The following RGS17 variants were observed in gnomAD, a reference collection of about 807,000 sequenced individuals.
RGS17 encodes regulator of G-protein signaling 17.
RGS17 carries 12 observed loss-of-function variants against 25.5 expected under a neutral mutation model. That is an observed-to-expected ratio of 0.47 (90% CI 0.30 to 0.76). The LOEUF (loss-of-function observed/expected upper bound fraction) is 0.76, where lower values mean the gene tolerates loss of function less well. RGS17 is among the 30% of genes least tolerant of loss of function. RGS17 has a pLI of 0.07. For missense variants in RGS17, 196 were observed against 242.2 expected, an observed-to-expected ratio of 0.81 and a Z score of 1.27; for synonymous variants, 71 against 76.9, an observed-to-expected ratio of 0.92 and a Z score of 0.40.
intron 1 of RGS17, among the ~76,000 whole-genome samples, chr6:153,069,544 T>G (rs553217215): frequency 6.6e-6 from 1 of 152,238 alleles, no homozygotes; most frequent in South Asian, 2.1e-4. Context: ...GACCTACCAT[T>G]TGATAGCACA....
intron 1 of RGS17, among the ~76,000 whole-genome samples, chr6:153,066,598 A>G (rs1776711045): frequency 6.6e-6 from 1 of 152,216 alleles, no homozygotes; most frequent in Non-Finnish European, 1.5e-5. Flanking sequence ...AGTCCTCAAC[A>G]AAATACTAGC....
rs1445396477 is a variant in RGS17 at position 153,130,400 on chromosome 6, C to T, written c.-26+724G>A. 2.6e-5 allele frequency among the ~76,000 whole-genome samples: 4 copies of T among 152,058 alleles called. No individual in the cohort carries two copies. The East Asian group carries it at 7.8e-4, about 30-fold the overall frequency. On this transcript the variant is annotated intron_variant, in intron 1 of 4. Transcript: ENST00000206262. This position sits in a 1 kb window ranked among gnomAD's most constrained non-coding sequence, Gnocchi z 6.4. ...TGGCTGTGGAATCCACCCCGCGCCG[C>T]ACACGCCAGGACTCCCTTTCCTTTG...
intron 1 of RGS17, among the ~76,000 whole-genome samples, chr6:153,063,702 G>C (rs1776668449): frequency 6.6e-6 from 1 of 152,152 alleles, no homozygotes; most frequent in Admixed American, 6.5e-5. Flanking sequence ...CCCAAACCTA[G>C]AGAAAGATAT....
intron 2 of RGS17, among the ~76,000 whole-genome samples, chr6:153,026,886 A>ATGATTACC (rs1779308754): frequency 1.3e-5 from 2 of 152,134 alleles, no homozygotes; most frequent in African/African-American, 4.8e-5. Flanking sequence ...ACACACACAT[A>ATGATTACC]TGATTACCTT....
intron 1 of RGS17, among the ~76,000 whole-genome samples, chr6:153,064,358 C>T (rs1032092875): frequency 3.9e-5 from 6 of 152,096 alleles, no homozygotes; most frequent in Admixed American, 1.3e-4. Context: ...GGGCAAGGCA[C>T]GGTGGCTCAT....
chr6:153,115,590 G>A (rs1777532467), intron 1 of RGS17, among the ~76,000 whole-genome samples: 1 of 151,930 alleles, frequency 6.6e-6, no homozygotes, highest in Non-Finnish European at 1.5e-5. Context: ...ATTTCATATG[G>A]AACCAAAAAA....
At chr6:153,017,913 T>G (rs1451476390) in intron 4 of RGS17, among the ~76,000 whole-genome samples, 2 of 152,234 alleles carry the variant, frequency 1.3e-5, no homozygotes, top group East Asian at 3.8e-4. Context: ...TGAACTAAAT[T>G]TGGTATTCCT....
At chr6:153,017,688 CTTT>C (rs1030496011) in intron 4 of RGS17, among the ~76,000 whole-genome samples, 31 of 152,090 alleles carry the variant, frequency 2.0e-4, no homozygotes, top group Admixed American at 2.0e-3. Flanking sequence ...GAGAACCTTT[CTTT>C]ATGTTATTTA....
At chr6:153,039,063 G>A (rs568733620) in intron 2 of RGS17, among the ~76,000 whole-genome samples, 2 of 152,260 alleles carry the variant, frequency 1.3e-5, no homozygotes, top group South Asian at 2.1e-4. Context: ...GCCAAATCTC[G>A]TGGGCAATAC....
intron 1 of RGS17, among the ~76,000 whole-genome samples, chr6:153,103,568 A>G (rs1368782755): frequency 6.6e-6 from 1 of 152,180 alleles, no homozygotes; most frequent in African/African-American, 2.4e-5. Context: ...TCCATGATCA[A>G]ACCAAAGGCA....
At chr6:153,017,862 G>GAATT (rs1416260370) in intron 4 of RGS17, among the ~76,000 whole-genome samples, 15 of 151,938 alleles carry the variant, frequency 9.9e-5, no homozygotes, top group African/African-American at 3.4e-4. Context: ...TTTACCAATG[G>GAATT]TAACATCTGC....
intron 1 of RGS17, among the ~76,000 whole-genome samples, chr6:153,099,695 G>C (rs992110256): frequency 2.0e-5 from 3 of 152,250 alleles, no homozygotes; most frequent in Admixed American, 1.3e-4. Context: ...TTTGTTTCTG[G>C]TTGCACCATT....
At chr6:153,074,620 A>G (rs1776850733) in intron 1 of RGS17, among the ~76,000 whole-genome samples, 1 of 152,222 alleles carries the variant, frequency 6.6e-6, no homozygotes, top group South Asian at 2.1e-4. Flanking sequence ...TTGATGGGGG[A>G]AAAGGCTGCC....
At chr6:153,066,433 C>T (rs1054842112) in intron 1 of RGS17, among the ~76,000 whole-genome samples, 1 of 152,108 alleles carries the variant, frequency 6.6e-6, no homozygotes, top group East Asian at 1.9e-4. Flanking sequence ...TAAAGAAGAA[C>T]CAATAACAAT....
Position 153,024,277 on chromosome 6 carries a change from T to C in RGS17, c.429A>G (p.Ile143Met). 6.2e-7 allele frequency: 1 copy of C among 1,608,100 alleles called. No homozygotes were observed. The highest frequency in any genetic ancestry group is 1.3e-5 in the African/African-American group (1 of 74,980). ...ARMIYEDYIS[I>M]LSPKEVSLDS... ...AGATTTTTACCTCTTTTGGTGATAG[T>C]ATAGAAATGTAATCTTCATATATCA... is the stretch of plus-strand genomic sequence containing the variant. Residue 143 changes from isoleucine (I) to methionine (M), a missense_variant, in exon 4 of 5, where the codon ATA (isoleucine) becomes ATG (methionine). This residue lies in a region of RGS17 where 179 missense variants were observed against 197.6 expected (regional missense o/e 0.91). Coordinates refer to ENST00000206262, the MANE Select transcript of RGS17 (RefSeq NM_012419.5).
intron 4 of RGS17, among the ~76,000 whole-genome samples, chr6:153,015,666 GTTTTTT>G (rs1162756201): frequency 7.0e-6 from 1 of 142,526 alleles, no homozygotes; most frequent in Non-Finnish European, 1.5e-5. Flanking sequence ...TCTTTTTTTT[GTTTTTT>G]TTTTTTAGTC....
At chr6:153,074,912 G>C (rs12201994) in intron 1 of RGS17, among the ~76,000 whole-genome samples, 1 of 152,018 alleles carries the variant, frequency 6.6e-6, no homozygotes, top group East Asian at 1.9e-4. Context: ...ACACTTTTAC[G>C]AAAGACTTGG....
chr6:153,033,818 A>G (rs1236774333), intron 2 of RGS17, among the ~76,000 whole-genome samples: 2 of 152,226 alleles, frequency 1.3e-5, no homozygotes, highest in African/African-American at 4.8e-5. Flanking sequence ...TTAAAATCCT[A>G]TTTTAAGCTA....
At position 153,007,468 on chromosome 6, in the gene RGS17, G is replaced by A. The variant is rs551377066; in HGVS notation, c.*4106C>T. The A allele has an allele frequency of 1.2e-3, 178 of 152,090 alleles. 1 individual carries two copies. The highest frequency in any genetic ancestry group is 4.0e-3 in the African/African-American group (166 of 41,480). The allele number at this position is 152,090 out of a possible 1,614,324, so 9.4% of individuals were successfully genotyped here. On this transcript the variant is annotated 3_prime_UTR_variant, in exon 5 of 5. Transcript: ENST00000206262. ...AACAGATAGGCGAAAATATTTTTTG[G>A]AAATATCTTTACCATCTTTCAAAAT...
Sources: gnomAD v4.1 joint callset for allele counts (sites outside exome capture counted in the v4.1 genomes callset) on GRCh38, gnomAD v4.1.1 for gene constraint, gnomAD v4.1.1 regional missense constraint, Gnocchi (gnomAD v3.1) non-coding constraint, MANE v1.5 for transcripts, NCBI Gene and HGNC (gene_info 2026-07-23, HGNC 2026-07-21) for gene names.